Variants in MOSMO observed in about 807,000 individuals in gnomAD.
MOSMO encodes the protein modulator of smoothened, also known as modulator of smoothened protein.
MOSMO carries 5 observed loss-of-function variants against 18.4 expected under a neutral mutation model. The ratio of observed to expected loss-of-function variants is 0.27; its 90% CI spans 0.14 to 0.57. MOSMO has a LOEUF of 0.57. Among genes scored for constraint, MOSMO ranks in the 20% least tolerant of loss-of-function variants. MOSMO has a pLI of 0.92. For synonymous variants in MOSMO, 82 were observed against 82.3 expected, an observed-to-expected ratio of 1.00 and a Z score of 0.02; for missense variants, 138 against 211.8, an observed-to-expected ratio of 0.65 and a Z score of 2.16.
chr16:22,052,827 G>A (rs1449841813), intron 1 of MOSMO, among the ~76,000 whole-genome samples: 1 of 151,916 alleles, frequency 6.6e-6, no homozygotes, highest in Non-Finnish European at 1.5e-5. Context: ...AAAAAAAATT[G>A]TAAAACTACA....
chr16:22,063,664 G>A (rs1213158583), intron 1 of MOSMO, among the ~76,000 whole-genome samples: 1 of 152,188 alleles, frequency 6.6e-6, no homozygotes, highest in Non-Finnish European at 1.5e-5. Context: ...ATGAGAAATA[G>A]TGGCTAGTGT....
At chr16:22,049,097 G>A (rs367997586) in intron 1 of MOSMO, among the ~76,000 whole-genome samples, 20 of 152,092 alleles carry the variant, frequency 1.3e-4, no homozygotes, top group African/African-American at 4.8e-4. Context: ...AGAAATTTAT[G>A]TTTTTACTGG....
chr16:22,053,212 C>A (rs1900463853), intron 1 of MOSMO, among the ~76,000 whole-genome samples: 1 of 151,832 alleles, frequency 6.6e-6, no homozygotes, highest in African/African-American at 2.4e-5. Context: ...ATCCACCCAC[C>A]TCCACCTCCC....
intron 1 of MOSMO, among the ~76,000 whole-genome samples, chr16:22,045,464 G>A (rs1900289280): frequency 1.3e-5 from 2 of 152,120 alleles, no homozygotes; most frequent in South Asian, 4.1e-4. Context: ...AAAATATTTA[G>A]GAACTGAGAA....
Position 22,048,518 on chromosome 16 carries a change from A to G in MOSMO, c.107-26969A>G, listed in dbSNP as rs1598012439. On this transcript the variant is annotated intron_variant, in intron 1 of 2. Transcript: ENST00000542527. ...AAAATTTGATGGCCCCAAAAATGGTATTTTGTCTTAATTTGCATTTCTTTA... is the reference window on the plus strand; with the variant it reads ...AAAATTTGATGGCCCCAAAAATGGTGTTTTGTCTTAATTTGCATTTCTTTA... Among the ~76,000 whole-genome samples the G allele has an allele frequency of 3.3e-5, 5 of 152,208 alleles. No homozygotes were observed. The South Asian group carries it at 8.3e-4, about 25-fold the overall frequency.
At chr16:22,010,451 G>C (rs1899501001) in intron 1 of MOSMO, among the ~76,000 whole-genome samples, 1 of 152,078 alleles carries the variant, frequency 6.6e-6, no homozygotes, top group African/African-American at 2.4e-5. Flanking sequence ...CACGTACTTA[G>C]GGGAAAAGGG....
At chr16:22,078,795 T>A (rs917065789) in intron 2 of MOSMO, among the ~76,000 whole-genome samples, 1 of 152,180 alleles carries the variant, frequency 6.6e-6, no homozygotes, top group African/African-American at 2.4e-5. Flanking sequence ...CATTAGAAAT[T>A]GGTGACAGAC....
rs1899428856 is a variant in MOSMO, at chr16:22,008,226, C to A, written c.-76C>A. The A allele has an allele frequency of 3.9e-6, 3 of 776,980 alleles. No homozygotes were observed. Among genetic ancestry groups the A allele is most frequent in the Admixed American group, 9.1e-5 (2 of 22,080 alleles). The allele number at this position is 776,980 out of a possible 1,614,324, so 48.1% of individuals were successfully genotyped here. A position where few individuals can be genotyped will look rare whatever the true frequency, so the allele number is the denominator to read the frequency against. ...GCGGCGCGGGGACTCCGGGCCCCGG[C>A]GGCGGCCCATGGGGCGGGAGGCGTG... On this transcript the variant is annotated 5_prime_UTR_variant, in exon 1 of 3. Transcript: ENST00000542527.
At chr16:22,087,164 G>A (rs1901200016), downstream of MOSMO, 1 of 152,234 alleles carries the variant, frequency 6.6e-6, no homozygotes, top group Non-Finnish European at 1.5e-5. Context: ...TATCCTGAGT[G>A]AACTCTCCGG....
intron 1 of MOSMO, among the ~76,000 whole-genome samples, chr16:22,065,639 A>G (rs1313618737): frequency 2.0e-5 from 3 of 152,100 alleles, no homozygotes; most frequent in Admixed American, 2.0e-4. Flanking sequence ...AAATATATCT[A>G]ATTTCTTTTC....
chr16:22,019,475 A>G (rs886762114), intron 1 of MOSMO, among the ~76,000 whole-genome samples: 3 of 152,092 alleles, frequency 2.0e-5, no homozygotes, highest in African/African-American at 4.8e-5. Context: ...CACATTTTTT[A>G]TGGTAGCATA....
intron 1 of MOSMO, among the ~76,000 whole-genome samples, chr16:22,042,144 A>T (rs921828883): frequency 2.0e-5 from 3 of 152,134 alleles, no homozygotes; most frequent in Non-Finnish European, 4.4e-5. Context: ...AAGAAAGGTT[A>T]TCTACTTTGG....
At chr16:22,088,394 C>A (rs972243050), downstream of MOSMO, among the ~76,000 whole-genome samples, 4 of 152,096 alleles carry the variant, frequency 2.6e-5, no homozygotes, top group Non-Finnish European at 5.9e-5. Flanking sequence ...CATAGTATTC[C>A]ATTTGATACA....
At chr16:22,030,351 A>G (rs1899968186) in intron 1 of MOSMO, among the ~76,000 whole-genome samples, 1 of 152,220 alleles carries the variant, frequency 6.6e-6, no homozygotes, top group East Asian at 1.9e-4. Context: ...TTTTCCAAAC[A>G]GTCAAGTTAA....
intron 1 of MOSMO, among the ~76,000 whole-genome samples, chr16:22,028,368 GT>G (rs75815099): frequency 6.1e-4 from 89 of 145,876 alleles, no homozygotes; most frequent in Middle Eastern, 3.6e-3. Context: ...TCTTTTTTAT[GT>G]TTTTTTTTTT....
chr16:22,025,183 T>TAGTA, intron 1 of MOSMO, among the ~76,000 whole-genome samples: 1 of 151,952 alleles, frequency 6.6e-6, no homozygotes. Context: ...TCTGTTCAGC[T>TAGTA]TACTAGCAGC....
rs78419441 is a variant in MOSMO at position 22,040,266 on chromosome 16, C to G, written c.106+31859C>G. Among the ~76,000 whole-genome samples the G allele has an allele frequency of 4.6e-3, 696 of 152,108 alleles. 5 individuals are homozygous for G. The Middle Eastern group carries it at 0.048, about 10-fold the overall frequency. ...GGGAACAACACACACTAGGGCCTATCCGAGGGTGGAAGAAGGGAGAGGATC... is the reference window on the plus strand; with the variant it reads ...GGGAACAACACACACTAGGGCCTATGCGAGGGTGGAAGAAGGGAGAGGATC... On this transcript the variant is annotated intron_variant, in intron 1 of 2. Coordinates refer to ENST00000542527, the MANE Select transcript of MOSMO (RefSeq NM_001164579.2).
chr16:22,037,538 T>C (rs1284269566), intron 1 of MOSMO, among the ~76,000 whole-genome samples: 1 of 152,148 alleles, frequency 6.6e-6, no homozygotes, highest in Non-Finnish European at 1.5e-5. Context: ...ATAGATCCCA[T>C]AGATTGAGGG....
chr16:22,091,906 A>G (rs1021201316), downstream of MOSMO, among the ~76,000 whole-genome samples: 3 of 152,194 alleles, frequency 2.0e-5, no homozygotes, highest in African/African-American at 7.2e-5. Flanking sequence ...GACTAGTTAC[A>G]TCATAATCAC....
Sources: gnomAD v4.1 joint callset for allele counts (sites outside exome capture counted in the v4.1 genomes callset) on GRCh38, gnomAD v4.1.1 for gene constraint, MANE v1.5 for transcripts, NCBI Gene and HGNC (gene_info 2026-07-23, HGNC 2026-07-21) for gene names.